HELZ: variants seen among roughly 807,000 people sequenced by gnomAD.
HELZ encodes the protein ATP-dependent RNA helicase with zinc finger domain.
Under a neutral mutation model 218.2 loss-of-function variants are expected in HELZ, and 23 were observed. That is an observed-to-expected ratio of 0.11 (90% CI 0.08 to 0.15). The LOEUF (loss-of-function observed/expected upper bound fraction) is 0.15, where lower values mean the gene tolerates loss of function less well. HELZ is among the 10% of genes least tolerant of loss of function. The probability of loss-of-function intolerance (pLI) is 1.00; values close to 1 mark genes in which losing one functional copy is unlikely to be tolerated. For synonymous variants in HELZ, 814 were observed against 829.4 expected (o/e 0.98, Z 0.32); for missense variants, 1,813 against 2,353.7 (o/e 0.77, Z 4.75).
intron 27 of HELZ, among the ~76,000 whole-genome samples, chr17:67,117,694 C>T (rs1242713522): frequency 6.6e-6 from 1 of 151,924 alleles, no homozygotes; most frequent in Non-Finnish European, 1.5e-5. Context: ...GGATTACAGG[C>T]ATGTGCCACC....
intron 12 of HELZ, among the ~76,000 whole-genome samples, chr17:67,182,218 G>C (rs1187150482): frequency 6.6e-6 from 1 of 152,132 alleles, no homozygotes; most frequent in African/African-American, 2.4e-5. Flanking sequence ...AAGGAAGGCA[G>C]GTCACCTGAG....
intron 31 of HELZ, among the ~76,000 whole-genome samples, chr17:67,092,892 C>G (rs1295790686): frequency 1.4e-5 from 2 of 147,608 alleles, no homozygotes; most frequent in Admixed American, 1.4e-4. Flanking sequence ...TTGAAACCGG[C>G]GGGGGGGGGA....
chr17:67,237,313 A>G (rs1466653645), intron 3 of HELZ, among the ~76,000 whole-genome samples: 1 of 152,202 alleles, frequency 6.6e-6, no homozygotes, highest in Non-Finnish European at 1.5e-5. Flanking sequence ...TGATTTATTT[A>G]TTAGTTTAAC....
upstream of HELZ, chr17:67,245,296 C>A (rs1598501872): frequency 6.7e-6 from 6 of 895,078 alleles, no homozygotes; most frequent in Non-Finnish European, 8.0e-6. Context: ...GCGCCTCCCG[C>A]CCGGAAAGTT....
chr17:67,163,184 TTAC>T (rs997653144), intron 15 of HELZ, among the ~76,000 whole-genome samples: 2 of 152,302 alleles, frequency 1.3e-5, no homozygotes, highest in South Asian at 2.1e-4. Flanking sequence ...GGTTAGCTTG[TTAC>T]TACAATATTT....
intron 23 of HELZ, among the ~76,000 whole-genome samples, chr17:67,130,185 G>C (rs567223066): frequency 6.6e-6 from 1 of 152,170 alleles, no homozygotes; most frequent in African/African-American, 2.4e-5. Flanking sequence ...AGAAGGTAGC[G>C]GGGTGGGAGA....
In HELZ at chr17:67,108,613, G is replaced by C. The variant is rs1437937228; in HGVS notation, c.4603C>G (p.His1535Asp). The C allele has an allele frequency of 6.2e-7, 1 of 1,614,058 alleles. No individual in the cohort carries two copies. Among genetic ancestry groups the C allele is most frequent in the Non-Finnish European group, 8.5e-7 (1 of 1,179,960 alleles). The change falls in exon 30 of 33, where the codon CAT (histidine) becomes GAT (aspartate). Residue 1535 changes from histidine to aspartate, a missense_variant. Coordinates refer to ENST00000358691, the MANE Select transcript of HELZ (RefSeq NM_014877.4). The surrounding 1 kb of genome is among the most constrained non-coding windows in gnomAD (Gnocchi z 4.1). ...AGATGCTGGAGGTGAGGATGGTGAT[G>C]GTGTGGGTATGGAGCGCTGCCCTGA... is the stretch of plus-strand genomic sequence containing the variant. Reference protein sequence around the residue: ...LSQGSAPYPHHHHPHLQHLPQ... With the variant: ...LSQGSAPYPHDHHPHLQHLPQ...
chr17:67,207,845 C>A (rs1004078498), intron 5 of HELZ, among the ~76,000 whole-genome samples: 1 of 152,158 alleles, frequency 6.6e-6, no homozygotes, highest in African/African-American at 2.4e-5. Context: ...CCCATCTCTA[C>A]TAAAAATACA....
At chr17:67,122,174 G>A (rs191004895) in intron 26 of HELZ, among the ~76,000 whole-genome samples, 15 of 151,876 alleles carry the variant, frequency 9.9e-5, no homozygotes, top group African/African-American at 2.9e-4. Flanking sequence ...AGGCCAAGTC[G>A]GGTGGATCAC....
At chr17:67,079,738 T>G (rs541475434) in intron 32 of HELZ, among the ~76,000 whole-genome samples, 1 of 152,354 alleles carries the variant, frequency 6.6e-6, no homozygotes, top group Non-Finnish European at 1.5e-5. Flanking sequence ...GCTTAGCCTA[T>G]TTTATTAAGT....
At chr17:67,135,657 C>A (rs908491686) in intron 23 of HELZ, among the ~76,000 whole-genome samples, 1 of 152,180 alleles carries the variant, frequency 6.6e-6, no homozygotes, top group African/African-American at 2.4e-5. Context: ...GTAAGCCCCA[C>A]CAATAAAATG....
At chr17:67,177,046 C>A (rs1476246020) in intron 13 of HELZ, among the ~76,000 whole-genome samples, 3 of 150,838 alleles carry the variant, frequency 2.0e-5, no homozygotes, top group Non-Finnish European at 4.4e-5. Context: ...AATCATAGCT[C>A]ACTGAAGCCT....
At chr17:67,239,584 C>T (rs923061171) in intron 2 of HELZ, 95 bp from the exon 3 acceptor site, 9 of 152,176 alleles carry the variant, frequency 5.9e-5, no homozygotes, top group Non-Finnish European at 1.2e-4. Flanking sequence ...ATATTCCCAG[C>T]ATATGGTCTT....
rs1209716856 is a variant in HELZ at position 67,189,505 on chromosome 17, C to T, written c.864+84G>A. 3.8e-6 allele frequency: 3 copies of T among 791,474 alleles called. No individual in the cohort carries two copies. The African/African-American group carries it at 5.2e-5, about 14-fold the overall frequency. 49.0% of individuals were successfully genotyped at this position (791,474 alleles called of 1,614,324 possible). ...CTTAGATTAAAATATTTTCAATATT[C>T]TTTAACACAGAGATTCAAAGGTCAA... is the stretch of plus-strand genomic sequence containing the variant. On this transcript the variant is annotated intron_variant, in intron 11 of 32. Transcript: ENST00000358691.
chr17:67,119,655 A>T (rs2037537385), intron 27 of HELZ, among the ~76,000 whole-genome samples: 1 of 152,134 alleles, frequency 6.6e-6, no homozygotes, highest in Non-Finnish European at 1.5e-5. Flanking sequence ...AAATACAGTA[A>T]TTTTTCCTTG....
At chr17:67,122,807 C>A (rs577678399) in intron 26 of HELZ, among the ~76,000 whole-genome samples, 163 bp downstream of exon 26, 1 of 152,164 alleles carries the variant, frequency 6.6e-6, no homozygotes, top group East Asian at 1.9e-4. Flanking sequence ...AGCAACAATT[C>A]GTAATTTCAA....
chr17:67,231,299 A>G (rs1381218935), intron 3 of HELZ, among the ~76,000 whole-genome samples: 1 of 152,206 alleles, frequency 6.6e-6, no homozygotes, highest in Non-Finnish European at 1.5e-5. Flanking sequence ...GTTAATAGAA[A>G]TGTACCAACA....
chr17:67,243,075 C>G (rs2041369677), intron 2 of HELZ, among the ~76,000 whole-genome samples: 1 of 152,210 alleles, frequency 6.6e-6, no homozygotes, highest in African/African-American at 2.4e-5. Flanking sequence ...CTCTTCCTCT[C>G]TATAGCACAG....
In HELZ at chr17:67,072,012, CA is replaced by C. The variant is rs1403432752; in HGVS notation, c.*6239del. 1.8e-3 allele frequency: 271 copies of C among 147,666 alleles called. 2 individuals are homozygous for C. The highest frequency in any genetic ancestry group is 3.9e-3 in the African/African-American group (155 of 39,442). The allele number at this position is 147,666 out of a possible 1,614,324, so 9.1% of individuals were successfully genotyped here. Reference sequence around the variant, plus strand: ...ATCCTTTGCCCTCACCACCCTCCCCCACAAAAAAAAAAAATAATAATAACCA... The same window carrying C: ...ATCCTTTGCCCTCACCACCCTCCCCCCAAAAAAAAAAAATAATAATAACCA... On this transcript the variant is annotated 3_prime_UTR_variant, in exon 33 of 33. Coordinates refer to ENST00000358691, the MANE Select transcript of HELZ (RefSeq NM_014877.4).
Sources: allele counts gnomAD v4.1 joint callset (sites outside exome capture counted in the v4.1 genomes callset), GRCh38; gene constraint gnomAD v4.1.1; non-coding constraint Gnocchi (gnomAD v3.1); transcripts MANE v1.5; gene names NCBI Gene and HGNC (gene_info 2026-07-23, HGNC 2026-07-21).